Variants in MAPK10 observed in about 807,000 individuals in gnomAD.
MAPK10 encodes the protein JNK3 alpha protein kinase.
Under a neutral mutation model 59.3 loss-of-function variants are expected in MAPK10, and 25 were observed. That is an observed-to-expected ratio of 0.42 (90% CI 0.31 to 0.59). MAPK10 has a LOEUF of 0.59. Ranked by LOEUF, MAPK10 falls within the 20% of genes least tolerant of loss-of-function variation. The pLI, the probability that MAPK10 is intolerant of heterozygous loss-of-function variation, is 0.15. For synonymous variants in MAPK10, 190 were observed against 200.5 expected, an observed-to-expected ratio of 0.95 and a Z score of 0.44; for missense variants, 351 against 568.9, an observed-to-expected ratio of 0.62 and a Z score of 3.90.
intron 1 of MAPK10, among the ~76,000 whole-genome samples, chr4:86,424,278 C>T (rs1035524859): frequency 2.6e-5 from 4 of 152,294 alleles, no homozygotes; most frequent in Admixed American, 2.6e-4. Context: ...CAACCTCCAC[C>T]TCCCAGGTTC....
chr4:86,029,306 C>A (rs778060491), intron 12 of MAPK10, 32 bp from the exon 13 acceptor site: 2 of 1,334,978 alleles, frequency 1.5e-6, no homozygotes, highest in Non-Finnish European at 2.2e-6. Flanking sequence ...TTATAGAAAA[C>A]AAATTTATCC....
chr4:86,243,631 C>T (rs1402191421), intron 2 of MAPK10, among the ~76,000 whole-genome samples: 2 of 152,096 alleles, frequency 1.3e-5, no homozygotes, highest in East Asian at 3.9e-4. Flanking sequence ...CTCTCTTCTC[C>T]CAGATTCCCA....
intron 9 of MAPK10, among the ~76,000 whole-genome samples, chr4:86,070,089 G>C (rs2047525203): frequency 6.6e-6 from 1 of 152,116 alleles, no homozygotes; most frequent in South Asian, 2.1e-4. Context: ...GATTCTTGAT[G>C]CAATGGTTTA....
At chr4:86,077,222 T>C (rs367993567) in intron 9 of MAPK10, among the ~76,000 whole-genome samples, 9 of 152,246 alleles carry the variant, frequency 5.9e-5, no homozygotes, top group East Asian at 5.8e-4. Flanking sequence ...AAAGTAAATA[T>C]GAATAGTAAA....
intron 1 of MAPK10, among the ~76,000 whole-genome samples, chr4:86,464,600 T>C (rs1752029160): frequency 1.3e-5 from 2 of 152,022 alleles, no homozygotes; most frequent in Non-Finnish European, 1.5e-5. Context: ...GGCAGGCAGA[T>C]CACGAGGTCA....
intron 2 of MAPK10, among the ~76,000 whole-genome samples, chr4:86,266,337 T>C (rs945856335): frequency 1.3e-5 from 2 of 152,208 alleles, no homozygotes; most frequent in Admixed American, 1.3e-4. Context: ...GACCTCGGCA[T>C]ACAGACAGTT....
intron 2 of MAPK10, among the ~76,000 whole-genome samples, chr4:86,230,868 G>T (rs1159704031): frequency 2.0e-5 from 3 of 152,108 alleles, no homozygotes; most frequent in African/African-American, 7.2e-5. Flanking sequence ...TGCTCAGTCT[G>T]CTTTTTGTTT....
intron 1 of MAPK10, among the ~76,000 whole-genome samples, chr4:86,532,304 A>T (rs1177744898): frequency 6.6e-6 from 1 of 152,120 alleles, no homozygotes; most frequent in African/African-American, 2.4e-5. Context: ...TTCCCAAGCT[A>T]CTATAAGGCA....
intron 1 of MAPK10, among the ~76,000 whole-genome samples, chr4:86,447,689 C>T (rs1393867452): frequency 6.6e-6 from 1 of 152,004 alleles, no homozygotes; most frequent in Non-Finnish European, 1.5e-5. Context: ...TGAAGATAAA[C>T]CATGTATTGT....
chr4:86,060,153 G>T (rs1431975231), intron 11 of MAPK10, among the ~76,000 whole-genome samples: 1 of 152,180 alleles, frequency 6.6e-6, no homozygotes, highest in Non-Finnish European at 1.5e-5. Context: ...CTCAGGTCTA[G>T]CTCCTTCCTT....
chr4:86,313,481 T>G (rs1028297916), intron 2 of MAPK10, among the ~76,000 whole-genome samples: 7 of 152,018 alleles, frequency 4.6e-5, no homozygotes, highest in Non-Finnish European at 8.8e-5. Flanking sequence ...AATCTACCTA[T>G]TCAACAGAGG....
At chr4:86,521,137 G>C (rs1757078838) in intron 1 of MAPK10, among the ~76,000 whole-genome samples, 1 of 152,236 alleles carries the variant, frequency 6.6e-6, no homozygotes, top group Non-Finnish European at 1.5e-5. Context: ...AGGACCTCTG[G>C]TTAGCCAGGT....
intron 13 of MAPK10, chr4:86,024,261 A>C (rs1336876060): frequency 1.3e-5 from 2 of 152,202 alleles, no homozygotes; most frequent in Non-Finnish European, 2.9e-5. Flanking sequence ...TTAAACAAAG[A>C]GCATTGAAGA....
At chr4:86,476,530 C>A (rs574262558) in intron 1 of MAPK10, among the ~76,000 whole-genome samples, 13 of 152,096 alleles carry the variant, frequency 8.5e-5, no homozygotes, top group Non-Finnish European at 1.2e-4. Context: ...AACCCTGAGA[C>A]GCTTTAAAGC....
At position 86,064,387 on chromosome 4, in the gene MAPK10, C is replaced by G. The variant is rs978003855; in HGVS notation, c.989G>C (p.Ser330Thr). The G allele has an allele frequency of 1.9e-6, 3 of 1,612,948 alleles. No individual in the cohort carries two copies. In the African/African-American group the frequency reaches 4.0e-5, roughly 22 times the overall value. The change falls in exon 11 of 14, where the codon AGC (serine) becomes ACC (threonine). Residue 330 changes from serine (S) to threonine (T), a missense_variant. Ser to Thr is a moderately conservative substitution (Grantham distance 58, BLOSUM62 1). Transcript: ENST00000641462. ...ADSEHNKLKA[S>T]QARDLLSKML... ...CTTTGACAACAAGTCCCTGGCTTGG[C>G]TGGCTGAAACAATAAATGAGAAAAA...
intron 2 of MAPK10, among the ~76,000 whole-genome samples, chr4:86,278,887 CA>C (rs1231311970): frequency 6.6e-6 from 1 of 152,090 alleles, no homozygotes; most frequent in Non-Finnish European, 1.5e-5. Flanking sequence ...AAGGATTTAT[CA>C]CAGATTGGAG....
At chr4:86,063,579 C>T (rs189637827) in intron 11 of MAPK10, among the ~76,000 whole-genome samples, 271 of 152,164 alleles carry the variant, frequency 1.8e-3, no homozygotes, top group Non-Finnish European at 3.0e-3. Context: ...CTGCTCAGCC[C>T]TGGATCCATA....
Position 86,103,073 on chromosome 4 carries a change from C to CTGTGTG in MAPK10, c.425+112_425+113insCACACA, listed in dbSNP as rs1251474551. On this transcript the variant is annotated intron_variant, in intron 6 of 13. Coordinates refer to ENST00000641462, the MANE Select transcript of MAPK10 (RefSeq NM_138982.4). ...CTTTGAGCAGTATAAGGGATTTCAA[C>CTGTGTG]TCTGTGTGTGTGTGTGTGTGTGTGT... 2.0e-5 allele frequency: 6 copies of CTGTGTG among 303,460 alleles called. No individual in the cohort carries two copies. The East Asian group carries it at 2.6e-4, about 13-fold the overall frequency. 18.8% of individuals were successfully genotyped at this position (303,460 alleles called of 1,614,324 possible). A position where few individuals can be genotyped will look rare whatever the true frequency, so the allele number is the denominator to read the frequency against.
intron 2 of MAPK10, among the ~76,000 whole-genome samples, chr4:86,195,652 A>T (rs1044996958): frequency 2.7e-4 from 41 of 152,152 alleles, no homozygotes; most frequent in African/African-American, 9.9e-4. Flanking sequence ...TACATGTGCC[A>T]TGGTGGTTTG....
Sources: gnomAD v4.1 joint callset for allele counts (sites outside exome capture counted in the v4.1 genomes callset) on GRCh38, gnomAD v4.1.1 for gene constraint, MANE v1.5 for transcripts, NCBI Gene and HGNC (gene_info 2026-07-23, HGNC 2026-07-21) for gene names.